The following MARK3 variants were observed in gnomAD, a reference collection of about 807,000 sequenced individuals.
The protein encoded by MARK3 is MAP/microtubule affinity-regulating kinase 3.
A neutral mutation model predicts 90.1 loss-of-function variants in MARK3; 46 were observed. The observed-to-expected ratio is 0.51, with a 90% CI of 0.40 to 0.65. The LOEUF is 0.65. MARK3 is among the 30% of genes least tolerant of loss of function. The pLI, the probability that MARK3 is intolerant of heterozygous loss-of-function variation, is 0.00. For missense variants in MARK3, 818 were observed against 947.2 expected, an observed-to-expected ratio of 0.86 and a Z score of 1.79; for synonymous variants, 321 against 332.6, an observed-to-expected ratio of 0.97 and a Z score of 0.38.
chr14:103,442,481 A>G (rs978530721), intron 3 of MARK3, among the ~76,000 whole-genome samples: 8 of 152,032 alleles, frequency 5.3e-5, no homozygotes, highest in South Asian at 2.1e-4. Flanking sequence ...AACTATTCCA[A>G]TGTGTGATGA....
chr14:103,456,605 C>T (rs1595763478), intron 5 of MARK3, among the ~76,000 whole-genome samples: 1 of 152,204 alleles, frequency 6.6e-6, no homozygotes, highest in Admixed American at 6.5e-5. Context: ...TCCTCTGATA[C>T]ACTATATGTT....
intron 13 of MARK3, among the ~76,000 whole-genome samples, chr14:103,477,057 T>C (rs1270235602): frequency 6.6e-6 from 1 of 152,336 alleles, no homozygotes; most frequent in Admixed American, 6.5e-5. Flanking sequence ...CCACCCATAC[T>C]AAATTACTTA....
chr14:103,385,716 G>T lies in MARK3; in HGVS notation c.-314G>T. 1 of 293,354 alleles carries T rather than the reference G, an allele frequency of 3.4e-6. No individual in the cohort carries two copies. The highest frequency in any genetic ancestry group is 6.1e-5 in the East Asian group (1 of 16,468). 18.2% of individuals were successfully genotyped at this position (293,354 alleles called of 1,614,324 possible). A position where few individuals can be genotyped will look rare whatever the true frequency, so the allele number is the denominator to read the frequency against. ...GAAGGAGGTGAGGGGGCCCAGGATC[G>T]CGGGGCGCCCTGAGGCAAGGGGACG... On this transcript the variant is annotated 5_prime_UTR_variant, in exon 1 of 18. Transcript: ENST00000429436.
chr14:103,404,314 C>T (rs2091145002), intron 1 of MARK3, among the ~76,000 whole-genome samples: 1 of 151,972 alleles, frequency 6.6e-6, no homozygotes, highest in Admixed American at 6.6e-5. Flanking sequence ...GAGAAGCCTC[C>T]CTTGGGCAGG....
intron 2 of MARK3, among the ~76,000 whole-genome samples, chr14:103,415,665 C>T (rs573956164): frequency 6.6e-6 from 1 of 152,268 alleles, no homozygotes; most frequent in East Asian, 1.9e-4. Context: ...CTCCCAGAGA[C>T]CTTTCCCCTC....
intron 3 of MARK3, among the ~76,000 whole-genome samples, chr14:103,436,932 A>T (rs745577608): frequency 1.3e-5 from 2 of 152,212 alleles, no homozygotes; most frequent in Non-Finnish European, 2.9e-5. Flanking sequence ...CTCTACTAAA[A>T]ATACAAAAAA....
At chr14:103,442,677 C>T (rs2092888329) in intron 3 of MARK3, among the ~76,000 whole-genome samples, 1 of 152,114 alleles carries the variant, frequency 6.6e-6, no homozygotes, top group African/African-American at 2.4e-5. Flanking sequence ...ACAAAAATTA[C>T]AGTATATCTA....
At position 103,503,457 on chromosome 14, in the gene MARK3, G is replaced by A. The variant is rs2075777420; in HGVS notation, c.*230G>A. 3.7e-6 allele frequency: 2 copies of A among 542,402 alleles called. No individual in the cohort carries two copies. The highest frequency in any genetic ancestry group is 6.9e-5 in the Admixed American group (2 of 28,928). The allele number at this position is 542,402 out of a possible 1,614,324, so 33.6% of individuals were successfully genotyped here. Reference sequence around the variant, plus strand: ...CTGCCCTACTTCCGTTACCCTGAGAGTCGGTGTGTGGCCCCATCTCCATGT... The same window carrying A: ...CTGCCCTACTTCCGTTACCCTGAGAATCGGTGTGTGGCCCCATCTCCATGT... On this transcript the variant is annotated 3_prime_UTR_variant, in exon 18 of 18. Coordinates refer to ENST00000429436, the MANE Select transcript of MARK3 (RefSeq NM_001128918.3).
chr14:103,472,802 T>C (rs2093651693), intron 12 of MARK3, among the ~76,000 whole-genome samples: 1 of 151,712 alleles, frequency 6.6e-6, no homozygotes, highest in Non-Finnish European at 1.5e-5. Flanking sequence ...GGTCAAGAGA[T>C]CGAGACCATC....
At chr14:103,462,573 C>T (rs2093423375) in intron 7 of MARK3, 112 bp downstream of exon 7, 2 of 614,410 alleles carry the variant, frequency 3.3e-6, no homozygotes, top group Non-Finnish European at 5.4e-6. Flanking sequence ...TTTTAAAATC[C>T]CACAATAATT....
chr14:103,448,690 G>A (rs896248482), intron 3 of MARK3, among the ~76,000 whole-genome samples: 1 of 152,112 alleles, frequency 6.6e-6, no homozygotes, highest in African/African-American at 2.4e-5. Context: ...TGAGACCTCT[G>A]CTGTTTTTAA....
chr14:103,462,167 G>C (rs2093415128), intron 6 of MARK3, among the ~76,000 whole-genome samples: 1 of 152,120 alleles, frequency 6.6e-6, no homozygotes, highest in African/African-American at 2.4e-5. Flanking sequence ...GGTCCAAAAA[G>C]AGACTTCAGT....
intron 7 of MARK3, among the ~76,000 whole-genome samples, chr14:103,462,663 G>T (rs2093424573): frequency 6.6e-6 from 1 of 152,172 alleles, no homozygotes; most frequent in Non-Finnish European, 1.5e-5. Context: ...TTACATTTCA[G>T]TTACGGTGAC....
intron 3 of MARK3, among the ~76,000 whole-genome samples, chr14:103,431,052 G>A (rs904100493): frequency 6.6e-6 from 1 of 151,812 alleles, no homozygotes; most frequent in Non-Finnish European, 1.5e-5. Flanking sequence ...CTATTCTTAC[G>A]CATCTTTTAG....
chr14:103,429,485 C>T (rs528218321), intron 3 of MARK3: 165 of 152,272 alleles, frequency 1.1e-3, no homozygotes, highest in African/African-American at 3.8e-3. Flanking sequence ...CTAATGTATT[C>T]CTCATGGTTA....
intron 15 of MARK3, among the ~76,000 whole-genome samples, chr14:103,495,779 T>C (rs2142078265): frequency 7.2e-6 from 1 of 139,258 alleles, no homozygotes; most frequent in East Asian, 2.2e-4. Flanking sequence ...CTTAGTGCTA[T>C]ACTTAATCAG....
At chr14:103,430,622 A>G (rs59330484) in intron 3 of MARK3, among the ~76,000 whole-genome samples, 7,160 of 152,204 alleles carry the variant, frequency 0.047, 595 homozygotes, top group African/African-American at 0.17. Flanking sequence ...ACCACTACCG[A>G]AAAAGGTGGA....
At chr14:103,412,690 C>CT (rs1428461324) in intron 2 of MARK3, 3 of 694,708 alleles carry the variant, frequency 4.3e-6, no homozygotes, top group African/African-American at 3.7e-5. Context: ...ACTTGGGGCA[C>CT]TTTCACTGGT....
Position 103,442,950 on chromosome 14 carries a change from C to A in MARK3, c.298-5969C>A, listed in dbSNP as rs910134268. 4.9e-4 allele frequency among the ~76,000 whole-genome samples: 74 copies of A among 150,556 alleles called. 1 individual carries two copies. The highest frequency in any genetic ancestry group is 3.5e-3 in the Middle Eastern group (1 of 288). Reference sequence around the variant, plus strand: ...CAAAACTTTGGTGGGTGTCCCCCCCCCTCCCACCGACAAGGAAGTGAGAAG... The same window carrying A: ...CAAAACTTTGGTGGGTGTCCCCCCCACTCCCACCGACAAGGAAGTGAGAAG... On this transcript the variant is annotated intron_variant, in intron 3 of 17. Transcript: ENST00000429436.
Sources: gnomAD v4.1 joint callset for allele counts (sites outside exome capture counted in the v4.1 genomes callset) on GRCh38, gnomAD v4.1.1 for gene constraint, MANE v1.5 for transcripts, NCBI Gene and HGNC (gene_info 2026-07-23, HGNC 2026-07-21) for gene names.